The following PDPN variants were observed in gnomAD, a reference collection of about 807,000 sequenced individuals.
PDPN encodes the protein PA2.26 antigen.
In PDPN, 12 loss-of-function variants were observed where a neutral mutation model predicts 23.2. The ratio of observed to expected loss-of-function variants is 0.52; its 90% CI spans 0.33 to 0.84. The LOEUF (loss-of-function observed/expected upper bound fraction) is 0.84, where lower values mean the gene tolerates loss of function less well. PDPN is among the 40% of genes least tolerant of loss of function. PDPN has a pLI of 0.02. For synonymous variants in PDPN, 77 were observed against 76.7 expected (o/e 1.00, Z -0.02); for missense variants, 199 against 212.2 (o/e 0.94, Z 0.39).
chr1:13,593,763 GTGCTT>G (rs1356176457), intron 1 of PDPN, among the ~76,000 whole-genome samples: 1 of 152,216 alleles, frequency 6.6e-6, no homozygotes, highest in East Asian at 1.9e-4. Context: ...CAGACGGCAA[GTGCTT>G]CCCAAACACA....
intron 1 of PDPN, chr1:13,585,593 G>C: frequency 7.4e-7 from 1 of 1,352,022 alleles, no homozygotes. Flanking sequence ...TTTTGCCCAG[G>C]GAAGCTTTAG....
Position 13,614,358 on chromosome 1 carries a change from C to T in PDPN, c.429C>T (p.Gly143=). The T allele has an allele frequency of 6.2e-7, 1 of 1,610,030 alleles. No homozygotes were observed. The highest frequency in any genetic ancestry group is 1.3e-5 in the African/African-American group (1 of 74,920). Residue 143 remains glycine, a synonymous_variant, in exon 5 of 6, where the codon GGC becomes GGT. Transcript: ENST00000621990. ...GIIVGVLLAI[G]FIGAIIVVVM... is the part of the protein sequence containing the mutation. Reference sequence around the variant, plus strand: ...TAGTTGGGGTCTTACTAGCCATCGGCTTCATTGGTGCAATCATCGTTGTGG... The same window carrying T: ...TAGTTGGGGTCTTACTAGCCATCGGTTTCATTGGTGCAATCATCGTTGTGG...
At chr1:13,595,444 C>A (rs1276758293) in intron 1 of PDPN, among the ~76,000 whole-genome samples, 4 of 152,072 alleles carry the variant, frequency 2.6e-5, no homozygotes, top group African/African-American at 7.2e-5. Context: ...GGGACACCTC[C>A]CCCCCACCCC....
intron 1 of PDPN, among the ~76,000 whole-genome samples, chr1:13,597,646 C>A (rs1001465457): frequency 1.3e-5 from 2 of 152,136 alleles, no homozygotes; most frequent in African/African-American, 4.8e-5. Context: ...AAGGGGCAGC[C>A]TTCTTTGTTC....
At chr1:13,587,617 C>T (rs966176083) in intron 1 of PDPN, among the ~76,000 whole-genome samples, 1 of 152,142 alleles carries the variant, frequency 6.6e-6, no homozygotes, top group Non-Finnish European at 1.5e-5. Context: ...CAGGGAAGTA[C>T]CCAGTGTGCA....
intron 2 of PDPN, 96 bp from the exon 3 acceptor site, chr1:13,610,290 AT>A: frequency 9.8e-7 from 1 of 1,020,284 alleles, no homozygotes; most frequent in Non-Finnish European, 1.4e-6. Context: ...TATGTTCCAT[AT>A]TTTTATGCCA....
chr1:13,603,888 T>C (rs1640714028), intron 1 of PDPN, among the ~76,000 whole-genome samples: 1 of 152,162 alleles, frequency 6.6e-6, no homozygotes, highest in Non-Finnish European at 1.5e-5. Flanking sequence ...CGCCCAGCCC[T>C]GCCTAGCTTT....
chr1:13,605,706 C>T (rs1640768517), intron 1 of PDPN, among the ~76,000 whole-genome samples: 1 of 152,044 alleles, frequency 6.6e-6, no homozygotes, highest in African/African-American at 2.4e-5. Context: ...CACTGCAACC[C>T]CCACCTCCCA....
At chr1:13,606,127 T>C (rs1290398453) in intron 1 of PDPN, among the ~76,000 whole-genome samples, 1 of 151,988 alleles carries the variant, frequency 6.6e-6, no homozygotes, top group African/African-American at 2.4e-5. Flanking sequence ...GTAGCTAGGA[T>C]TATAGGTGCC....
At chr1:13,609,825 G>A (rs1463099419) in intron 2 of PDPN, among the ~76,000 whole-genome samples, 1 of 152,190 alleles carries the variant, frequency 6.6e-6, no homozygotes, top group Non-Finnish European at 1.5e-5. Context: ...CTAGCACTTT[G>A]GGAGGCCAAG....
At position 13,616,170 on chromosome 1, in the gene PDPN, A is replaced by G. The variant is rs1480677264; in HGVS notation, c.*259A>G. On this transcript the variant is annotated 3_prime_UTR_variant, in exon 6 of 6. Coordinates refer to ENST00000621990, the MANE Select transcript of PDPN (RefSeq NM_006474.5). The stretch of plus-strand genomic sequence containing the variant: ...AAAGATTATTTGAAAGACAAAATTC[A>G]TAGAAAATGGAGCAAAACTGTATAA... 7.3e-6 allele frequency: 4 copies of G among 546,346 alleles called. No individual in the cohort carries two copies. Among genetic ancestry groups the G allele is most frequent in the South Asian group, 4.6e-5 (2 of 43,656 alleles). 33.8% of individuals were successfully genotyped at this position (546,346 alleles called of 1,614,324 possible). A position where few individuals can be genotyped will look rare whatever the true frequency, so the allele number is the denominator to read the frequency against.
rs139158290 is a variant in PDPN at position 13,587,745 on chromosome 1, C to A, written c.67+3645C>A. Among the ~76,000 whole-genome samples, 13 of 152,258 alleles carry A rather than the reference C, an allele frequency of 8.5e-5. No homozygotes were observed. The East Asian group carries it at 2.5e-3, about 29-fold the overall frequency. ...CAAGAGATACAGCTCCGTGATTAGG[C>A]ATTTTATCTGGGGCTGTGAGCTAGA... On this transcript the variant is annotated intron_variant, in intron 1 of 5. Coordinates refer to ENST00000621990, the MANE Select transcript of PDPN (RefSeq NM_006474.5).
At chr1:13,586,066 C>T (rs1319647632) in intron 1 of PDPN, among the ~76,000 whole-genome samples, 1 of 152,096 alleles carries the variant, frequency 6.6e-6, no homozygotes, top group Admixed American at 6.5e-5. Context: ...TTTCCATTGT[C>T]AGGCGCCACC....
chr1:13,601,020 T>TG (rs763678769), intron 1 of PDPN, among the ~76,000 whole-genome samples: 2 of 151,980 alleles, frequency 1.3e-5, no homozygotes, highest in Non-Finnish European at 2.9e-5. Flanking sequence ...TGTGAGAGGG[T>TG]GTTAGGACAA....
intron 1 of PDPN, chr1:13,585,384 T>G (rs1640149030): frequency 1.3e-6 from 1 of 746,650 alleles, no homozygotes; most frequent in East Asian, 6.6e-5. Flanking sequence ...GGGCCGTGGG[T>G]TATTCGTAGC....
intron 1 of PDPN, among the ~76,000 whole-genome samples, chr1:13,604,322 A>G (rs1026563467): frequency 1.3e-5 from 2 of 152,234 alleles, no homozygotes; most frequent in African/African-American, 4.8e-5. Flanking sequence ...CTCTTCACCC[A>G]GGGAATCCTT....
intron 1 of PDPN, among the ~76,000 whole-genome samples, chr1:13,588,546 T>G (rs1212453112): frequency 1.6e-5 from 2 of 121,426 alleles, no homozygotes; most frequent in Non-Finnish European, 3.5e-5. Context: ...CCCAAAGAAT[T>G]AACTGATTTA....
intron 1 of PDPN, among the ~76,000 whole-genome samples, chr1:13,597,513 C>T (rs1411572549): frequency 6.6e-6 from 1 of 152,152 alleles, no homozygotes; most frequent in Non-Finnish European, 1.5e-5. Flanking sequence ...TGCAGGTCTG[C>T]AGAAATAGGA....
chr1:13,613,195 A>C (rs575136157), intron 3 of PDPN, among the ~76,000 whole-genome samples: 2 of 152,350 alleles, frequency 1.3e-5, no homozygotes, highest in African/African-American at 2.4e-5. Context: ...TTGCTACCAA[A>C]GAAGTAGCAG....
Sources: allele counts gnomAD v4.1 joint callset (sites outside exome capture counted in the v4.1 genomes callset), GRCh38; gene constraint gnomAD v4.1.1; transcripts MANE v1.5; gene names NCBI Gene and HGNC (gene_info 2026-07-23, HGNC 2026-07-21).